The following NEGR1 variants were observed in gnomAD, a reference collection of about 807,000 sequenced individuals.
NEGR1 encodes neuronal growth regulator 1, also known as IgLON family member 4.
Under a neutral mutation model 40.9 loss-of-function variants are expected in NEGR1, and 10 were observed. The ratio of observed to expected loss-of-function variants is 0.24; its 90% CI spans 0.15 to 0.42. The LOEUF (loss-of-function observed/expected upper bound fraction) is 0.42, where lower values mean the gene tolerates loss of function less well. Ranked by LOEUF, NEGR1 falls within the 10% of genes least tolerant of loss-of-function variation. The pLI, the probability that NEGR1 is intolerant of heterozygous loss-of-function variation, is 1.00. For synonymous variants in NEGR1, 185 were observed against 166.8 expected, an observed-to-expected ratio of 1.11 and a Z score of -0.84; for missense variants, 352 against 438.9, an observed-to-expected ratio of 0.80 and a Z score of 1.77.
chr1:72,026,373 CT>C lies in NEGR1; in HGVS notation c.177-91063del, dbSNP rs34356052. ...ACCCTTGTCTCTACTTCCAAGCTAC[CT>C]TTTTTTTTTTTTCTCCAAAGGAGTT... is the stretch of plus-strand genomic sequence containing the variant. On this transcript the variant is annotated intron_variant, in intron 1 of 6. Coordinates refer to ENST00000357731, the MANE Select transcript of NEGR1 (RefSeq NM_173808.3). 8.6e-3 allele frequency among the ~76,000 whole-genome samples: 1,241 copies of C among 143,548 alleles called. 6 individuals are homozygous for C. The highest frequency in any genetic ancestry group is 0.021 in the African/African-American group (823 of 39,540). The allele number at this position is 143,548 out of a possible 152,430, so 94.2% of individuals were successfully genotyped here. A position where few individuals can be genotyped will look rare whatever the true frequency, so the allele number is the denominator to read the frequency against.
chr1:72,120,686 G>A (rs2100289930), intron 1 of NEGR1, among the ~76,000 whole-genome samples: 1 of 151,730 alleles, frequency 6.6e-6, no homozygotes, highest in Non-Finnish European at 1.5e-5. Context: ...ACAGTCCCCA[G>A]AGTGTGATAT....
chr1:71,987,782 A>AT (rs11290828), intron 1 of NEGR1, among the ~76,000 whole-genome samples: 5 of 151,948 alleles, frequency 3.3e-5, no homozygotes, highest in Non-Finnish European at 7.4e-5. Flanking sequence ...AAATCAAAGG[A>AT]TTTTTTTATA....
intron 4 of NEGR1, among the ~76,000 whole-genome samples, chr1:71,690,573 CA>C: frequency 2.1e-5 from 3 of 141,076 alleles, no homozygotes; most frequent in African/African-American, 8.2e-5. Context: ...ATAACACACA[CA>C]CACACACACA....
intron 1 of NEGR1, among the ~76,000 whole-genome samples, chr1:72,230,883 A>G (rs1169202562): frequency 6.6e-6 from 1 of 152,176 alleles, no homozygotes; most frequent in Non-Finnish European, 1.5e-5. Flanking sequence ...ATTTTAAGTC[A>G]ACACTGAGTC....
chr1:71,661,214 C>G (rs551737165), intron 4 of NEGR1, among the ~76,000 whole-genome samples: 1 of 152,178 alleles, frequency 6.6e-6, no homozygotes, highest in African/African-American at 2.4e-5. Context: ...GAGTATATAC[C>G]CAGTAATGGG....
At chr1:71,950,116 GT>G (rs968011728) in intron 1 of NEGR1, among the ~76,000 whole-genome samples, 8 of 151,836 alleles carry the variant, frequency 5.3e-5, no homozygotes, top group African/African-American at 1.9e-4. Context: ...TCAAAGATGG[GT>G]TTTTTACATT....
Position 71,401,835 on chromosome 1 carries a change from C to T in NEGR1, c.*5611G>A, listed in dbSNP as rs916095038. On this transcript the variant is annotated 3_prime_UTR_variant, in exon 7 of 7. Transcript: ENST00000357731. ...GACAAGATTCTCCACTTGGTGTGAC[C>T]AGTCTCATACAACCCAAGGCTGTGT... The T allele has an allele frequency of 6.6e-6, 1 of 152,068 alleles. No homozygotes were observed. Among genetic ancestry groups the T allele is most frequent in the Non-Finnish European group, 1.5e-5 (1 of 68,012 alleles). 9.4% of individuals were successfully genotyped at this position (152,068 alleles called of 1,614,324 possible).
intron 2 of NEGR1, among the ~76,000 whole-genome samples, chr1:71,851,973 T>C (rs1659618235): frequency 6.6e-6 from 1 of 152,164 alleles, no homozygotes; most frequent in Non-Finnish European, 1.5e-5. Flanking sequence ...TATTTACATG[T>C]GTATTCAGGA....
intron 4 of NEGR1, among the ~76,000 whole-genome samples, chr1:71,681,184 C>T (rs917331876): frequency 4.6e-5 from 7 of 152,184 alleles, no homozygotes; most frequent in African/African-American, 9.7e-5. Flanking sequence ...GTGTCATTAA[C>T]ATTTATTTAT....
chr1:71,471,394 C>T (rs1646780914), intron 6 of NEGR1, among the ~76,000 whole-genome samples: 2 of 152,074 alleles, frequency 1.3e-5, no homozygotes, highest in South Asian at 4.1e-4. Flanking sequence ...GCCTGTAATC[C>T]CAGCACTTTG....
intron 1 of NEGR1, among the ~76,000 whole-genome samples, chr1:72,262,430 T>C (rs542344683): frequency 6.6e-6 from 1 of 152,150 alleles, no homozygotes; most frequent in African/African-American, 2.4e-5. Context: ...ACTTTTGTCC[T>C]TATTAAAAAC....
At chr1:72,044,330 TAA>T (rs534733009) in intron 1 of NEGR1, among the ~76,000 whole-genome samples, 35 of 131,494 alleles carry the variant, frequency 2.7e-4, no homozygotes, top group Admixed American at 3.1e-4. Flanking sequence ...AGGTCTAAGT[TAA>T]AAAAAAAAAA....
At chr1:72,039,430 GCAGGAGAACATGTATTT>G (rs1646932756) in intron 1 of NEGR1, among the ~76,000 whole-genome samples, 1 of 151,936 alleles carries the variant, frequency 6.6e-6, no homozygotes, top group Non-Finnish European at 1.5e-5. Flanking sequence ...AGACAAGTAA[GCAGGAGAACATGTATTT>G]CAGTAGTCTC....
intron 6 of NEGR1, among the ~76,000 whole-genome samples, chr1:71,416,327 T>G (rs760424142): frequency 3.3e-4 from 50 of 152,192 alleles, no homozygotes; most frequent in Non-Finnish European, 5.1e-4. Flanking sequence ...TCTTTGTATC[T>G]TTTGTGTTAG....
intron 1 of NEGR1, among the ~76,000 whole-genome samples, chr1:72,012,347 G>A (rs1371207344): frequency 6.6e-6 from 1 of 152,036 alleles, no homozygotes; most frequent in Non-Finnish European, 1.5e-5. Context: ...AGCTGGGTGA[G>A]GCAGGGTTAA....
intron 6 of NEGR1, among the ~76,000 whole-genome samples, chr1:71,425,395 A>G (rs1343811519): frequency 6.6e-6 from 1 of 152,188 alleles, no homozygotes; most frequent in Non-Finnish European, 1.5e-5. Flanking sequence ...ATCCTAAGCT[A>G]TATCTGTTAT....
intron 1 of NEGR1, among the ~76,000 whole-genome samples, chr1:72,026,562 T>A (rs146672872): frequency 6.6e-6 from 1 of 152,192 alleles, no homozygotes; most frequent in East Asian, 1.9e-4. Context: ...AAAAAAACCC[T>A]CATTCCTTCT....
intron 1 of NEGR1, among the ~76,000 whole-genome samples, chr1:72,223,499 T>G (rs1654077431): frequency 6.6e-6 from 1 of 152,194 alleles, no homozygotes; most frequent in African/African-American, 2.4e-5. Flanking sequence ...GACAGTTCTC[T>G]TCTACATGAA....
intron 6 of NEGR1, among the ~76,000 whole-genome samples, chr1:71,583,955 T>G (rs1649221487): frequency 6.6e-6 from 1 of 152,334 alleles, no homozygotes; most frequent in Non-Finnish European, 1.5e-5. Flanking sequence ...GAAACTGAAG[T>G]TGCTTCATTT....
Sources: gnomAD v4.1 joint callset for allele counts (sites outside exome capture counted in the v4.1 genomes callset) on GRCh38, gnomAD v4.1.1 for gene constraint, MANE v1.5 for transcripts, NCBI Gene and HGNC (gene_info 2026-07-23, HGNC 2026-07-21) for gene names.